Variants in RABGAP1 observed in about 807,000 individuals in gnomAD.
RABGAP1 encodes RAB GTPase activating protein 1, also known as rab GTPase-activating protein 1.
In RABGAP1, 23 loss-of-function variants were observed where a neutral mutation model predicts 137.6. The observed-to-expected ratio is 0.17, with a 90% CI of 0.12 to 0.24. RABGAP1 has a LOEUF of 0.24. Ranked by LOEUF, RABGAP1 falls within the 10% of genes least tolerant of loss-of-function variation. RABGAP1 has a pLI of 1.00. For missense variants in RABGAP1, 906 were observed against 1,275.8 expected (o/e 0.71, Z 4.42); for synonymous variants, 451 against 450.7 (o/e 1.00, Z -0.01).
At chr9:123,056,242 G>T (rs1219544510) in intron 13 of RABGAP1, among the ~76,000 whole-genome samples, 12 of 152,218 alleles carry the variant, frequency 7.9e-5, no homozygotes, top group Non-Finnish European at 1.5e-4. Flanking sequence ...AGCAAATCAT[G>T]TATTGCAGTT....
the RABGAP1 span, among the ~76,000 whole-genome samples, chr9:122,931,845 G>T: frequency 6.6e-6 from 1 of 152,206 alleles, no homozygotes; most frequent in Admixed American, 6.5e-5. Context: ...CTGCCTCCTT[G>T]GGCCTGAAGG....
chr9:123,060,124 T>G (rs973621167), intron 13 of RABGAP1, among the ~76,000 whole-genome samples: 1 of 152,218 alleles, frequency 6.6e-6, no homozygotes, highest in Non-Finnish European at 1.5e-5. Flanking sequence ...AGGTGGGGAA[T>G]GTGAGATTAC....
intron 20 of RABGAP1, 145 bp downstream of exon 20, chr9:123,089,995 C>G: frequency 2.5e-6 from 2 of 787,590 alleles, no homozygotes; most frequent in Non-Finnish European, 4.0e-6. Flanking sequence ...CAAGCAAGAT[C>G]TGTTTTTGCT....
At chr9:123,043,628 T>G (rs2033058054) in intron 13 of RABGAP1, among the ~76,000 whole-genome samples, 1 of 145,036 alleles carries the variant, frequency 6.9e-6, no homozygotes, top group African/African-American at 2.6e-5. Context: ...GGAAGGGAAG[T>G]GTTTGGGGGG....
the RABGAP1 span, among the ~76,000 whole-genome samples, chr9:122,935,756 G>A: frequency 6.6e-6 from 1 of 152,162 alleles, no homozygotes; most frequent in African/African-American, 2.4e-5. Flanking sequence ...ACTTACTAGA[G>A]ATCTTTGTTT....
At chr9:122,989,935 C>A in intron 5 of RABGAP1, 121 bp from the exon 6 acceptor site, 1 of 1,168,372 alleles carries the variant, frequency 8.6e-7, no homozygotes, top group South Asian at 1.8e-5. Context: ...AGGTAATTTA[C>A]CAAAAGAAAT....
chr9:123,100,295 A>G (rs1287422641), intron 24 of RABGAP1, among the ~76,000 whole-genome samples: 1 of 152,144 alleles, frequency 6.6e-6, no homozygotes, highest in African/African-American at 2.4e-5. Context: ...AACTTGGGAA[A>G]GTTCTGTGCT....
intron 13 of RABGAP1, among the ~76,000 whole-genome samples, chr9:123,027,111 T>TC (rs2032018849): frequency 6.9e-6 from 1 of 145,088 alleles, no homozygotes; most frequent in African/African-American, 2.5e-5. Context: ...TTCTTTTCTT[T>TC]TTTTTTTTTT....
Position 122,953,405 on chromosome 9 carries a change from CT to C in RABGAP1, c.-49-3591del, listed in dbSNP as rs775177739. Among the ~76,000 whole-genome samples the C allele has an allele frequency of 3.4e-3, 487 of 143,032 alleles. 1 individual carries two copies. The highest frequency in any genetic ancestry group is 7.4e-3 in the Middle Eastern group (2 of 270). The allele number at this position is 143,032 out of a possible 152,430, so 93.8% of individuals were successfully genotyped here. On this transcript the variant is annotated intron_variant, in intron 1 of 25. Transcript: ENST00000373647. ...ATACTATTAGTAGTAGAACCAGTAT[CT>C]TTTTTTTTTTTTTTGAGACAGAGTC...
intron 13 of RABGAP1, chr9:123,035,182 A>G (rs2032558288): frequency 1.9e-6 from 3 of 1,613,816 alleles, no homozygotes; most frequent in East Asian, 2.2e-5. Flanking sequence ...AGCAGCCCTT[A>G]TTGTCTGCTT....
intron 12 of RABGAP1, among the ~76,000 whole-genome samples, chr9:123,017,590 T>G (rs1001033250): frequency 1.3e-5 from 2 of 152,244 alleles, no homozygotes; most frequent in African/African-American, 2.4e-5. Flanking sequence ...TTTCAAATTC[T>G]ACCTCTCCTA....
intron 10 of RABGAP1, among the ~76,000 whole-genome samples, chr9:123,009,618 A>G (rs1195757464): frequency 6.6e-6 from 1 of 152,212 alleles, no homozygotes; most frequent in Non-Finnish European, 1.5e-5. Flanking sequence ...TGGAATGTTA[A>G]TGTACTTATA....
At position 123,018,196 on chromosome 9, in the gene RABGAP1, G is replaced by A. The variant is rs537082293; in HGVS notation, c.1644-2113G>A. 8.5e-5 allele frequency among the ~76,000 whole-genome samples: 13 copies of A among 152,162 alleles called. No homozygotes were observed. In the East Asian group the frequency reaches 1.7e-3, roughly 20 times the overall value. On this transcript the variant is annotated intron_variant, in intron 12 of 25. Transcript: ENST00000373647. ...TTTTTAGTAGAGACAGGGTTTCACC[G>A]TGTTAGCCAGGATGGTCCTGATCTC...
chr9:122,980,952 G>A (rs573364747), intron 2 of RABGAP1, among the ~76,000 whole-genome samples: 14 of 152,228 alleles, frequency 9.2e-5, no homozygotes, highest in South Asian at 4.1e-4. Flanking sequence ...TTTTGGCATC[G>A]TAGTTTGCGA....
chr9:123,043,900 C>CTTTTTTTT (rs1186243080), intron 13 of RABGAP1, among the ~76,000 whole-genome samples: 1 of 129,432 alleles, frequency 7.7e-6, no homozygotes, highest in Non-Finnish European at 1.7e-5. Flanking sequence ...GTATTATTTT[C>CTTTTTTTT]TTTTTTTTTT....
intron 10 of RABGAP1, among the ~76,000 whole-genome samples, chr9:123,003,190 A>G (rs747464966): frequency 5.9e-5 from 9 of 152,216 alleles, no homozygotes; most frequent in Non-Finnish European, 1.3e-4. Flanking sequence ...AACTGTGACC[A>G]TCATTGTCTT....
chr9:122,973,778 G>C (rs1213046276), intron 2 of RABGAP1, among the ~76,000 whole-genome samples: 1 of 151,908 alleles, frequency 6.6e-6, no homozygotes, highest in Non-Finnish European at 1.5e-5. Flanking sequence ...GGGAGGCCGA[G>C]GCGGGCAGAT....
intron 1 of RABGAP1, among the ~76,000 whole-genome samples, chr9:122,956,456 C>T (rs1834523851): frequency 6.6e-6 from 1 of 152,062 alleles, no homozygotes; most frequent in Non-Finnish European, 1.5e-5. Flanking sequence ...CAAGACCATC[C>T]TGGCTAACAC....
intron 20 of RABGAP1, 90 bp downstream of exon 20, chr9:123,089,940 A>G: frequency 8.6e-7 from 1 of 1,158,554 alleles, no homozygotes; most frequent in Non-Finnish European, 1.2e-6. Flanking sequence ...AGTCCTTTTT[A>G]AAATTCAATT....
Sources: gnomAD v4.1 joint callset for allele counts (sites outside exome capture counted in the v4.1 genomes callset) on GRCh38, gnomAD v4.1.1 for gene constraint, MANE v1.5 for transcripts, NCBI Gene and HGNC (gene_info 2026-07-23, HGNC 2026-07-21) for gene names.